SNTB1: variants seen among roughly 807,000 people sequenced by gnomAD.
SNTB1 encodes syntrophin beta 1.
In SNTB1, 36 loss-of-function variants were observed where a neutral mutation model predicts 48.9. The ratio of observed to expected loss-of-function variants is 0.74; its 90% CI spans 0.56 to 0.97. The LOEUF is 0.97. SNTB1 is among the 50% of genes least tolerant of loss of function. SNTB1 has a pLI of 0.00. For synonymous variants in SNTB1, 299 were observed against 294.6 expected (o/e 1.01, Z -0.15); for missense variants, 786 against 703.4 (o/e 1.12, Z -1.33).
At chr8:120,634,671 A>G (rs534872720) in intron 2 of SNTB1, among the ~76,000 whole-genome samples, 18 of 152,288 alleles carry the variant, frequency 1.2e-4, no homozygotes, top group African/African-American at 4.3e-4. Context: ...CCTGAGTTTC[A>G]AAATAACAAT....
chr8:120,553,065 T>G lies in SNTB1; in HGVS notation c.1137-4107A>C, dbSNP rs138189362. ...CTGTAAATACAGATGAAGCTTTGCT[T>G]GCTAGCTGCTCACCTCCTGCTGTGC... On this transcript the variant is annotated intron_variant, in intron 4 of 6. Coordinates refer to ENST00000517992, the MANE Select transcript of SNTB1 (RefSeq NM_021021.4). Among the ~76,000 whole-genome samples, 1,110 of 152,276 alleles carry G rather than the reference T, an allele frequency of 7.3e-3. 3 individuals carry two copies. Among genetic ancestry groups the G allele is most frequent in the Non-Finnish European group, 0.012 (841 of 68,018 alleles).
chr8:120,750,187 C>G (rs886928617), intron 1 of SNTB1, among the ~76,000 whole-genome samples: 1 of 143,714 alleles, frequency 7.0e-6, no homozygotes, highest in Non-Finnish European at 1.5e-5. Flanking sequence ...TTCATTCCTT[C>G]CTTTTCACCA....
intron 2 of SNTB1, among the ~76,000 whole-genome samples, chr8:120,650,062 C>G (rs1026057984): frequency 2.0e-5 from 3 of 152,206 alleles, no homozygotes; most frequent in Admixed American, 6.5e-5. Context: ...CCTGCGCCCA[C>G]TGTCTGGCAC....
intron 4 of SNTB1, among the ~76,000 whole-genome samples, chr8:120,574,826 G>A (rs986328626): frequency 1.3e-5 from 2 of 152,078 alleles, no homozygotes; most frequent in African/African-American, 2.4e-5. Flanking sequence ...CCAGGAAGGC[G>A]GCTAGATGAG....
In SNTB1 at chr8:120,554,391, TA is replaced by T. The variant is rs1227830186; in HGVS notation, c.1137-5434del. On this transcript the variant is annotated intron_variant, in intron 4 of 6. Transcript: ENST00000517992. The stretch of plus-strand genomic sequence containing the variant: ...GTGAAGAAATGCATACAAATTAGTA[TA>T]AAAAATCATGACATCTACAATAATC... Among the ~76,000 whole-genome samples, 8 of 152,232 alleles carry T rather than the reference TA, an allele frequency of 5.3e-5. No homozygotes were observed. In the East Asian group the frequency reaches 1.5e-3, roughly 29 times the overall value.
intron 1 of SNTB1, among the ~76,000 whole-genome samples, chr8:120,719,350 G>T (rs900672046): frequency 1.3e-5 from 2 of 152,112 alleles, no homozygotes; most frequent in African/African-American, 4.8e-5. Flanking sequence ...CTAAAACATT[G>T]GACTTCAAGT....
At chr8:120,641,548 G>C (rs1817197009) in intron 2 of SNTB1, among the ~76,000 whole-genome samples, 1 of 152,198 alleles carries the variant, frequency 6.6e-6, no homozygotes, top group African/African-American at 2.4e-5. Flanking sequence ...GGATAAAGCA[G>C]ACTTGCAAAC....
At chr8:120,749,006 G>A (rs887962380) in intron 1 of SNTB1, among the ~76,000 whole-genome samples, 3 of 152,042 alleles carry the variant, frequency 2.0e-5, no homozygotes, top group African/African-American at 7.3e-5. Context: ...ATGACACCTG[G>A]CACCCAATAA....
chr8:120,617,130 G>A (rs970645456), intron 3 of SNTB1, among the ~76,000 whole-genome samples: 13 of 152,156 alleles, frequency 8.5e-5, no homozygotes, highest in Non-Finnish European at 1.8e-4. Context: ...ATTAGCTATC[G>A]TTAGTGTTAG....
rs573192648 is a variant in SNTB1, at chr8:120,537,247, C to T, written c.*1630G>A. The T allele has an allele frequency of 1.3e-5, 2 of 152,064 alleles. No homozygotes were observed. Among genetic ancestry groups the T allele is most frequent in the South Asian group, 4.2e-4 (2 of 4,808 alleles). The allele number at this position is 152,064 out of a possible 1,614,324, so 9.4% of individuals were successfully genotyped here. A position where few individuals can be genotyped will look rare whatever the true frequency, so the allele number is the denominator to read the frequency against. On this transcript the variant is annotated 3_prime_UTR_variant, in exon 7 of 7. Transcript: ENST00000517992. ...GTGTGAGGAATGGTTCACCGGATTTCGCCTTGAAGAACCACAATGAACTTT... is the reference window on the plus strand; with the variant it reads ...GTGTGAGGAATGGTTCACCGGATTTTGCCTTGAAGAACCACAATGAACTTT...
At chr8:120,545,137 C>T (rs958968076) in intron 5 of SNTB1, among the ~76,000 whole-genome samples, 2 of 151,910 alleles carry the variant, frequency 1.3e-5, no homozygotes, top group Non-Finnish European at 2.9e-5. Context: ...TGAGGTCAGG[C>T]GTTTGAGACC....
chr8:120,742,157 C>G (rs1819051533), intron 1 of SNTB1, among the ~76,000 whole-genome samples: 1 of 152,178 alleles, frequency 6.6e-6, no homozygotes, highest in Admixed American at 6.5e-5. Context: ...AGACATTCAA[C>G]TTAAAAAGAA....
At chr8:120,558,144 T>C (rs1044201923) in intron 4 of SNTB1, among the ~76,000 whole-genome samples, 15 of 152,238 alleles carry the variant, frequency 9.9e-5, no homozygotes, top group African/African-American at 3.4e-4. Flanking sequence ...TTCTTCCCAA[T>C]GATCTGTCTT....
chr8:120,739,279 C>A (rs1819003485), intron 1 of SNTB1, among the ~76,000 whole-genome samples: 1 of 152,188 alleles, frequency 6.6e-6, no homozygotes, highest in East Asian at 1.9e-4. Flanking sequence ...GGTGCAAAAT[C>A]TGCTTAGTTT....
In SNTB1 at chr8:120,632,630, T is replaced by C. The variant is rs1462550953; in HGVS notation, c.810A>G (p.Pro270=). 1.2e-6 allele frequency: 2 copies of C among 1,613,970 alleles called. No individual in the cohort carries two copies. Among genetic ancestry groups the C allele is most frequent in the Non-Finnish European group, 1.7e-6 (2 of 1,180,002 alleles). ...TTAGGATCACCGTGTGCTTAGCATC[T>C]GGAGAGTGGATTTCAAGCTGCCTAG... ...PENRQLEIHS[P]DAKHTVILRS... is the part of the protein sequence containing the mutation. The change falls in exon 3 of 7, where the codon CCA becomes CCG. Residue 270 remains proline (P), a synonymous_variant. Transcript: ENST00000517992.
intron 1 of SNTB1, among the ~76,000 whole-genome samples, chr8:120,806,651 C>T (rs1419724098): frequency 1.3e-5 from 2 of 151,994 alleles, no homozygotes; most frequent in Non-Finnish European, 2.9e-5. Context: ...GGATTTAAGA[C>T]AGAATAAGGT....
chr8:120,777,499 T>TCCCA (rs931029304), intron 1 of SNTB1, among the ~76,000 whole-genome samples: 1 of 152,200 alleles, frequency 6.6e-6, no homozygotes. Flanking sequence ...GGCCCCTTTC[T>TCCCA]CCCAATTTGC....
At chr8:120,669,144 A>T (rs1026166958) in intron 2 of SNTB1, among the ~76,000 whole-genome samples, 1 of 152,230 alleles carries the variant, frequency 6.6e-6, no homozygotes. Context: ...GAGTTGGAGC[A>T]GTTGACATTT....
intron 2 of SNTB1, among the ~76,000 whole-genome samples, chr8:120,659,512 T>C (rs1817554465): frequency 6.6e-6 from 1 of 152,182 alleles, no homozygotes; most frequent in South Asian, 2.1e-4. Flanking sequence ...GTCTTCAGAG[T>C]TACCCATGAG....
Sources: gnomAD v4.1 joint callset for allele counts (sites outside exome capture counted in the v4.1 genomes callset) on GRCh38, gnomAD v4.1.1 for gene constraint, MANE v1.5 for transcripts, NCBI Gene and HGNC (gene_info 2026-07-23, HGNC 2026-07-21) for gene names.